The following STS variants were observed in gnomAD, a reference collection of about 807,000 sequenced individuals.
STS encodes steroid sulfatase.
A neutral mutation model predicts 26.8 loss-of-function variants in STS; 7 were observed. That is an observed-to-expected ratio of 0.26 (90% CI 0.15 to 0.49). STS has a LOEUF of 0.49. STS is among the 20% of genes least tolerant of loss of function. STS has a pLI of 0.98. For synonymous variants in STS, 199 were observed against 189.4 expected, an observed-to-expected ratio of 1.05 and a Z score of -0.42; for missense variants, 434 against 465.6, an observed-to-expected ratio of 0.93 and a Z score of 0.63.
intron 6 of STS, among the ~76,000 whole-genome samples, chrX:7,272,234 A>ATATATATATATG (rs1401549909): frequency 5.6e-5 from 6 of 106,200 alleles, no homozygotes; most frequent in Non-Finnish European, 1.2e-4. Flanking sequence ...ATATATATAT[A>ATATATATATATG]TGTAGTCTTC....
chrX:7,203,074 C>A (rs1934103681), intron 2 of STS, among the ~76,000 whole-genome samples: 1 of 110,851 alleles, frequency 9.0e-6, no homozygotes, highest in Non-Finnish European at 1.9e-5. Flanking sequence ...CTGTCCCTCT[C>A]TTTCTCTCTC....
At chrX:7,178,294 G>A (rs921822169) in intron 1 of STS, among the ~76,000 whole-genome samples, 2 of 112,123 alleles carry the variant, frequency 1.8e-5, no homozygotes, top group Non-Finnish European at 3.8e-5. Context: ...ATTGCTACCC[G>A]AGCTTCAGTG....
chrX:7,261,263 A>G (rs1173373964), intron 6 of STS, among the ~76,000 whole-genome samples: 1 of 111,414 alleles, frequency 9.0e-6, no homozygotes, highest in Non-Finnish European at 1.9e-5. Flanking sequence ...TTTAAAAATT[A>G]TAAAGGAGAC....
chrX:7,260,615 G>A lies in STS; in HGVS notation c.806+843G>A, dbSNP rs189162580. Among the ~76,000 whole-genome samples, 3 of 110,584 alleles carry A rather than the reference G, an allele frequency of 2.7e-5. No individual in the cohort carries two copies. The East Asian group carries it at 8.6e-4, about 32-fold the overall frequency. On this transcript the variant is annotated intron_variant, in intron 6 of 10. Transcript: ENST00000674429. ...GTAGAGACAGGGTTTCACAAACTTG[G>A]TCAGTCTGCATTTTGAACTCCTGAC... is the stretch of plus-strand genomic sequence containing the variant.
intron 7 of STS, among the ~76,000 whole-genome samples, chrX:7,296,767 G>A (rs190534230): frequency 8.9e-6 from 1 of 112,370 alleles, no homozygotes; most frequent in African/African-American, 3.2e-5. Flanking sequence ...GAGTAGATCC[G>A]TGAAGGCATC....
chrX:7,290,971 G>A (rs1471642048), intron 7 of STS, among the ~76,000 whole-genome samples: 1 of 111,416 alleles, frequency 9.0e-6, no homozygotes, highest in Non-Finnish European at 1.9e-5. Flanking sequence ...TCTCCTCCAA[G>A]TATATTTTAT....
intron 2 of STS, among the ~76,000 whole-genome samples, chrX:7,205,093 C>T (rs1035500579): frequency 6.3e-5 from 7 of 111,596 alleles, no homozygotes; most frequent in East Asian, 5.7e-4. Flanking sequence ...CCATGGACAA[C>T]GGAAGAAGAA....
chrX:7,205,566 G>C (rs1385166533), intron 2 of STS, among the ~76,000 whole-genome samples: 3 of 104,476 alleles, frequency 2.9e-5, no homozygotes, highest in Non-Finnish European at 3.9e-5. Flanking sequence ...AAAACTGTAG[G>C]TTGGAAATTA....
intron 10 of STS, among the ~76,000 whole-genome samples, chrX:7,344,219 T>C (rs1316219739): frequency 8.9e-6 from 1 of 112,039 alleles, no homozygotes; most frequent in Non-Finnish European, 1.9e-5. Flanking sequence ...ACTCTTGCTG[T>C]AGAACAGAGC....
intron 1 of STS, among the ~76,000 whole-genome samples, chrX:7,153,436 C>T (rs1178021990): frequency 9.8e-6 from 1 of 101,783 alleles, no homozygotes; most frequent in African/African-American, 3.6e-5. Flanking sequence ...TCCTTGACTC[C>T]TTCCCTCTCT....
chrX:7,217,306 C>G (rs909221998), intron 2 of STS, among the ~76,000 whole-genome samples: 4 of 111,529 alleles, frequency 3.6e-5, no homozygotes, highest in Non-Finnish European at 7.5e-5. Flanking sequence ...CTGGATTTTA[C>G]AAGCAAGTGC....
intron 2 of STS, among the ~76,000 whole-genome samples, chrX:7,206,141 C>G (rs1227463451): frequency 1.8e-5 from 2 of 112,104 alleles, no homozygotes; most frequent in Non-Finnish European, 3.8e-5. Context: ...CTGTTCAATA[C>G]TGAGATTCAT....
intron 8 of STS, among the ~76,000 whole-genome samples, chrX:7,323,709 T>A (rs773666074): frequency 5.4e-5 from 6 of 112,021 alleles, no homozygotes; most frequent in African/African-American, 1.9e-4. Flanking sequence ...TTTGGTAGAA[T>A]AATTTATTTT....
At chrX:7,279,413 C>CTGTG (rs60649361) in intron 7 of STS, among the ~76,000 whole-genome samples, 3 of 80,054 alleles carry the variant, frequency 3.7e-5, no homozygotes, top group East Asian at 3.9e-4. Flanking sequence ...GTGTGTGTGT[C>CTGTG]TGTGTGTGTG....
chrX:7,199,740 C>G (rs1208738831), intron 2 of STS, among the ~76,000 whole-genome samples: 1 of 111,282 alleles, frequency 9.0e-6, no homozygotes, highest in Non-Finnish European at 1.9e-5. Context: ...TATACATTTA[C>G]AATAATGAAT....
chrX:7,179,740 C>A (rs766404740), intron 1 of STS, among the ~76,000 whole-genome samples: 1 of 112,096 alleles, frequency 8.9e-6, no homozygotes, highest in African/African-American at 3.2e-5. Context: ...AACAACAGTA[C>A]AATGGCAGTT....
chrX:7,276,172 TCCTGATG>T (rs779396418), intron 7 of STS, 85 bp downstream of exon 7: 84 of 1,118,710 alleles, frequency 7.5e-5, no homozygotes, highest in Non-Finnish European at 9.8e-5. Flanking sequence ...CTATCTTTGT[TCCTGATG>T]CCTTTAGAGA....
At chrX:7,154,231 C>T (rs1313775204) in intron 1 of STS, among the ~76,000 whole-genome samples, 1 of 112,093 alleles carries the variant, frequency 8.9e-6, no homozygotes, top group Non-Finnish European at 1.9e-5. Flanking sequence ...TGAATGCCAT[C>T]TCTAATGTGC....
At chrX:7,149,870 G>A (rs12010075) in intron 1 of STS, among the ~76,000 whole-genome samples, 1 of 110,505 alleles carries the variant, frequency 9.0e-6, no homozygotes, top group Non-Finnish European at 1.9e-5. Context: ...ATAAGAACAC[G>A]ATTCTTATTG....
Sources: allele counts gnomAD v4.1 joint callset (sites outside exome capture counted in the v4.1 genomes callset), GRCh38; gene constraint gnomAD v4.1.1; transcripts MANE v1.5; gene names NCBI Gene and HGNC (gene_info 2026-07-23, HGNC 2026-07-21).